The following CAST variants were observed in gnomAD, a reference collection of about 807,000 sequenced individuals.
The protein encoded by CAST is MIR583 host.
CAST carries 76 observed loss-of-function variants against 119.6 expected under a neutral mutation model. That is an observed-to-expected ratio of 0.64 (90% CI 0.53 to 0.77). The LOEUF (loss-of-function observed/expected upper bound fraction) is 0.77, where lower values mean the gene tolerates loss of function less well. CAST is among the 30% of genes least tolerant of loss of function. The probability of loss-of-function intolerance (pLI) is 0.00; values close to 1 mark genes in which losing one functional copy is unlikely to be tolerated. For missense variants in CAST, 953 were observed against 946.5 expected, an observed-to-expected ratio of 1.01 and a Z score of -0.09; for synonymous variants, 319 against 331.6, an observed-to-expected ratio of 0.96 and a Z score of 0.41.
chr5:96,566,038 C>T (rs1746462836), intron 1 of CAST, among the ~76,000 whole-genome samples: 1 of 152,148 alleles, frequency 6.6e-6, no homozygotes, highest in African/African-American at 2.4e-5. Context: ...AGTGAGGTTT[C>T]CATAGCAACC....
chr5:96,479,067 A>G, the CAST span, among the ~76,000 whole-genome samples: 1 of 152,202 alleles, frequency 6.6e-6, no homozygotes, highest in Non-Finnish European at 1.5e-5. Context: ...GGAGCCACAT[A>G]AAGTAGGAGA....
the CAST span, among the ~76,000 whole-genome samples, chr5:96,374,946 A>G: frequency 7.2e-5 from 11 of 152,190 alleles, no homozygotes; most frequent in African/African-American, 2.4e-4. Context: ...CCCCACAGGT[A>G]GAAGATGGGC....
At chr5:96,692,571 C>G (rs751116632) in intron 2 of CAST, among the ~76,000 whole-genome samples, 6 of 152,208 alleles carry the variant, frequency 3.9e-5, no homozygotes, top group Non-Finnish European at 8.8e-5. Context: ...CCCATTCTTA[C>G]CTCAGGGCCC....
Position 96,765,275 on chromosome 5 carries a change from C to G in CAST, c.1987C>G (p.Gln663Glu). Residue 663 changes from glutamine (Q) to glutamate (E), a missense_variant, in exon 26 of 32, where the codon CAA becomes GAA. Coordinates refer to ENST00000675179, the MANE Select transcript of CAST (RefSeq NM_001750.7). ...ALDKLSDSLG[Q>E]RQPDPDENKP... ...GGATAAACTCTCTGACAGTCTAGGA[C>G]AAAGGCAGCCTGACCCAGATGAGAA... 3 of 1,553,256 alleles carry G rather than the reference C, an allele frequency of 1.9e-6. No homozygotes were observed. The highest frequency in any genetic ancestry group is 2.6e-6 in the Non-Finnish European group (3 of 1,150,928).
At chr5:96,042,421 T>A in the CAST span, among the ~76,000 whole-genome samples, 4 of 152,190 alleles carry the variant, frequency 2.6e-5, no homozygotes, top group Non-Finnish European at 4.4e-5. Context: ...GAATATCAAT[T>A]GATTTTCAGA....
At chr5:96,046,950 A>T in the CAST span, among the ~76,000 whole-genome samples, 1 of 152,148 alleles carries the variant, frequency 6.6e-6, no homozygotes, top group Non-Finnish European at 1.5e-5. Flanking sequence ...CCATGATTCA[A>T]TTACCTCCCC....
the CAST span, among the ~76,000 whole-genome samples, chr5:96,191,186 GA>G: frequency 4.6e-5 from 7 of 152,188 alleles, no homozygotes; most frequent in Admixed American, 6.5e-5. Context: ...TGTGCTAAAG[GA>G]AATTATTCTT....
chr5:96,718,438 G>A (rs1207718162), intron 3 of CAST, among the ~76,000 whole-genome samples: 1 of 151,984 alleles, frequency 6.6e-6, no homozygotes, highest in African/African-American at 2.4e-5. Context: ...TACCTATCAG[G>A]TACTGTGCTT....
the CAST span, among the ~76,000 whole-genome samples, chr5:96,249,870 T>C: frequency 6.6e-6 from 1 of 152,140 alleles, no homozygotes; most frequent in African/African-American, 2.4e-5. Context: ...CATATTCCCA[T>C]AGATTTGGCA....
chr5:96,082,965 A>G, the CAST span, among the ~76,000 whole-genome samples: 2 of 152,216 alleles, frequency 1.3e-5, no homozygotes, highest in African/African-American at 4.8e-5. Context: ...AGTTAGAAAT[A>G]TTTAGAAACA....
At chr5:96,324,482 C>A in the CAST span, among the ~76,000 whole-genome samples, 1 of 152,176 alleles carries the variant, frequency 6.6e-6, no homozygotes, top group Non-Finnish European at 1.5e-5. Context: ...CCTACTTAGA[C>A]ACACATGAGA....
chr5:96,682,044 TA>T, intron 2 of CAST, among the ~76,000 whole-genome samples: 1 of 152,326 alleles, frequency 6.6e-6, no homozygotes, highest in South Asian at 2.1e-4. Flanking sequence ...TTATTGTTGT[TA>T]ATCTCTTACT....
At chr5:96,247,438 G>C in the CAST span, among the ~76,000 whole-genome samples, 1 of 152,370 alleles carries the variant, frequency 6.6e-6, no homozygotes, top group South Asian at 2.1e-4. Context: ...GGAGCAGTTA[G>C]TTCTGAGTAA....
intron 1 of CAST, among the ~76,000 whole-genome samples, chr5:96,608,323 G>A (rs1183433662): frequency 1.3e-5 from 2 of 152,092 alleles, no homozygotes; most frequent in Non-Finnish European, 2.9e-5. Context: ...GTGTTCTTAG[G>A]CAAATGGCAA....
At chr5:96,492,715 T>C in the CAST span, among the ~76,000 whole-genome samples, 3 of 152,080 alleles carry the variant, frequency 2.0e-5, 1 homozygote, top group South Asian at 6.2e-4. Flanking sequence ...AATGACCAAA[T>C]GACAAAAATA....
At chr5:96,453,072 GA>G in the CAST span, among the ~76,000 whole-genome samples, 898 of 144,332 alleles carry the variant, frequency 6.2e-3, 17 homozygotes, top group African/African-American at 0.022. Context: ...CAGTTAAAAA[GA>G]AAAAAAAAAT....
intron 20 of CAST, 82 bp from the exon 21 acceptor site, chr5:96,753,978 A>G: frequency 1.3e-6 from 1 of 785,986 alleles, no homozygotes; most frequent in Non-Finnish European, 2.3e-6. Flanking sequence ...TGAAATAATG[A>G]TATGCCTTTC....
the CAST span, among the ~76,000 whole-genome samples, chr5:96,364,145 T>G: frequency 1.3e-5 from 2 of 152,130 alleles, no homozygotes; most frequent in Non-Finnish European, 2.9e-5. Context: ...TTACTGATTT[T>G]CGTATGTTGA....
chr5:96,057,105 G>C, the CAST span, among the ~76,000 whole-genome samples: 1 of 152,146 alleles, frequency 6.6e-6, no homozygotes, highest in African/African-American at 2.4e-5. Context: ...AAACACTATA[G>C]CTGAATTAGT....
Sources: gnomAD v4.1 joint callset for allele counts (sites outside exome capture counted in the v4.1 genomes callset) on GRCh38, gnomAD v4.1.1 for gene constraint, MANE v1.5 for transcripts, NCBI Gene and HGNC (gene_info 2026-07-23, HGNC 2026-07-21) for gene names.